Variants in TMEM254 observed in about 807,000 individuals in gnomAD.
TMEM254 encodes transmembrane protein 254.
Under a neutral mutation model 13.9 loss-of-function variants are expected in TMEM254, and 16 were observed. The observed-to-expected ratio is 1.15, with a 90% confidence interval of 0.78 to 1.75. The LOEUF is 1.75. Among genes scored for constraint, TMEM254 ranks in the 40% most tolerant of loss-of-function variants. The probability of loss-of-function intolerance (pLI) is 0.00; values close to 1 mark genes in which losing one functional copy is unlikely to be tolerated. For missense variants in TMEM254, 155 were observed against 149.0 expected (o/e 1.04, Z -0.21); for synonymous variants, 61 against 56.4 (o/e 1.08, Z -0.36).
chr10:80,086,410 T>C, intron 3 of TMEM254: 1 of 415,182 alleles, frequency 2.4e-6, no homozygotes, highest in East Asian at 3.8e-5. Flanking sequence ...TTTATTTTTC[T>C]TTACTAAATA....
intron 3 of TMEM254, chr10:80,090,515 G>A (rs556159814): frequency 2.1e-5 from 15 of 705,298 alleles, no homozygotes; most frequent in Middle Eastern, 4.7e-4. Context: ...TACTCCATCC[G>A]CTCATCAGAA....
intron 3 of TMEM254, among the ~76,000 whole-genome samples, chr10:80,084,497 C>T (rs370434282): frequency 8.6e-4 from 131 of 152,262 alleles, no homozygotes; most frequent in African/African-American, 3.0e-3. Flanking sequence ...ATCAGTGTGG[C>T]GGTGCTTCCT....
At chr10:80,089,862 A>G (rs568682599) in intron 3 of TMEM254, among the ~76,000 whole-genome samples, 17 of 151,810 alleles carry the variant, frequency 1.1e-4, no homozygotes, top group South Asian at 8.3e-4. Context: ...AAAATTAGCC[A>G]GGCGTGGTGG....
chr10:80,088,443 T>C (rs1485597069), intron 3 of TMEM254, among the ~76,000 whole-genome samples: 2 of 149,512 alleles, frequency 1.3e-5, no homozygotes, highest in East Asian at 3.9e-4. Flanking sequence ...GTTTTTTTTC[T>C]TTTTTTTTTC....
rs1490490067 is a variant in TMEM254, at chr10:80,082,056, A to AG, written c.192-87dup. 3 of 1,574,788 alleles carry AG rather than the reference A, an allele frequency of 1.9e-6. No homozygotes were observed. The Admixed American group carries it at 5.0e-5, about 27-fold the overall frequency. ...CTAAGAGTAGTGTCGGTTCACCTTAAGGCACTTTTCTTTTTGAGATTGCTG... is the reference window on the plus strand; with the variant it reads ...CTAAGAGTAGTGTCGGTTCACCTTAAGGGCACTTTTCTTTTTGAGATTGCTG... On this transcript the variant is annotated intron_variant, in intron 2 of 3. Coordinates refer to ENST00000372281, the MANE Select transcript of TMEM254 (RefSeq NM_025125.4).
At chr10:80,089,008 A>G (rs1258634989) in intron 3 of TMEM254, among the ~76,000 whole-genome samples, 1 of 151,334 alleles carries the variant, frequency 6.6e-6, no homozygotes, top group Non-Finnish European at 1.5e-5. Context: ...TTCATTTTCT[A>G]ATTGTCTGAT....
chr10:80,091,017 T>C lies in TMEM254; in HGVS notation c.*100T>C. 2 of 1,469,478 alleles carry C rather than the reference T, an allele frequency of 1.4e-6. No homozygotes were observed. The highest frequency in any genetic ancestry group is 1.8e-6 in the Non-Finnish European group (2 of 1,094,672). The allele number at this position is 1,469,478 out of a possible 1,614,324, so 91.0% of individuals were successfully genotyped here. On this transcript the variant is annotated 3_prime_UTR_variant, in exon 4 of 4. Transcript: ENST00000372281. Reference sequence around the variant, plus strand: ...AATTTACTCAGTGATCTTTCTACTTTCTAGAAACTGTCCTTCAAAGCTCTT... The same window carrying C: ...AATTTACTCAGTGATCTTTCTACTTCCTAGAAACTGTCCTTCAAAGCTCTT...
intron 3 of TMEM254, among the ~76,000 whole-genome samples, chr10:80,087,237 T>G (rs973426452): frequency 4.7e-4 from 72 of 152,216 alleles, no homozygotes; most frequent in Middle Eastern, 3.2e-3. Flanking sequence ...GTCTCTACTT[T>G]TTTACTATTA....
intron 1 of TMEM254, among the ~76,000 whole-genome samples, chr10:80,080,139 G>A (rs1843909684): frequency 1.3e-5 from 2 of 152,208 alleles, no homozygotes; most frequent in Admixed American, 6.5e-5. Context: ...TGACTAGTTA[G>A]AATATAGTTG....
intron 3 of TMEM254, 113 bp downstream of exon 3, chr10:80,082,317 G>A: frequency 7.9e-7 from 1 of 1,271,768 alleles, no homozygotes; most frequent in Non-Finnish European, 1.1e-6. Context: ...TCTCAGGGTA[G>A]AGCGGAATCC....
chr10:80,082,738 A>T (rs1451929680), intron 3 of TMEM254, among the ~76,000 whole-genome samples: 1 of 152,126 alleles, frequency 6.6e-6, no homozygotes, highest in Non-Finnish European at 1.5e-5. Context: ...ACCAGACCCC[A>T]CTCAGGAGAT....
intron 1 of TMEM254, chr10:80,079,211 G>GGGGGGGGGGC: frequency 2.0e-6 from 2 of 1,000,132 alleles, no homozygotes; most frequent in Non-Finnish European, 2.8e-6. Context: ...GGCGGGGCGG[G>GGGGGGGGGGC]CCTCTGTTTT....
At position 80,092,196 on chromosome 10, in the gene TMEM254, C is replaced by T. The variant is rs550565483; in HGVS notation, c.*1279C>T. On this transcript the variant is annotated 3_prime_UTR_variant, in exon 4 of 4. Coordinates refer to ENST00000372281, the MANE Select transcript of TMEM254 (RefSeq NM_025125.4). The stretch of plus-strand genomic sequence containing the variant: ...ATTTCCCTTCTGTGGTACAGTGGGG[C>T]AAATTATTTGTATTAAGCAAACATT... The T allele has an allele frequency of 1.3e-5, 2 of 152,278 alleles. No individual in the cohort carries two copies. Among genetic ancestry groups the T allele is most frequent in the South Asian group, 4.1e-4 (2 of 4,828 alleles). The allele number at this position is 152,278 out of a possible 1,614,324, so 9.4% of individuals were successfully genotyped here. A position where few individuals can be genotyped will look rare whatever the true frequency, so the allele number is the denominator to read the frequency against.
chr10:80,085,481 C>T (rs1195546362), intron 3 of TMEM254, among the ~76,000 whole-genome samples: 4 of 151,692 alleles, frequency 2.6e-5, no homozygotes, highest in East Asian at 3.9e-4. Context: ...GCAGGAGAAT[C>T]GCTTGGACCT....
At chr10:80,087,850 G>A (rs1844389732) in intron 3 of TMEM254, among the ~76,000 whole-genome samples, 1 of 152,046 alleles carries the variant, frequency 6.6e-6, no homozygotes, top group African/African-American at 2.4e-5. Flanking sequence ...ATGATCTTGA[G>A]TACTTTGTCC....
At chr10:80,089,582 G>A (rs553700705) in intron 3 of TMEM254, among the ~76,000 whole-genome samples, 3 of 152,302 alleles carry the variant, frequency 2.0e-5, no homozygotes, top group Non-Finnish European at 2.9e-5. Context: ...GGAAGCTAAG[G>A]TGGGAGGATA....
In TMEM254 at chr10:80,079,436, G is replaced by C. The variant is rs541159611; in HGVS notation, c.87+650G>C. Reference sequence around the variant, plus strand: ...AGCCTCTCACGAAGCGGAAAGTCAAGTTAACAGACTGCCATAGGCCTGCCA... The same window carrying C: ...AGCCTCTCACGAAGCGGAAAGTCAACTTAACAGACTGCCATAGGCCTGCCA... On this transcript the variant is annotated intron_variant, in intron 1 of 3. Coordinates refer to ENST00000372281, the MANE Select transcript of TMEM254 (RefSeq NM_025125.4). 33 of 1,086,318 alleles carry C rather than the reference G, an allele frequency of 3.0e-5. No individual in the cohort carries two copies. The African/African-American group carries it at 5.2e-4, about 17-fold the overall frequency. The allele number at this position is 1,086,318 out of a possible 1,614,324, so 67.3% of individuals were successfully genotyped here. A position where few individuals can be genotyped will look rare whatever the true frequency, so the allele number is the denominator to read the frequency against.
At chr10:80,082,548 G>A (rs73295373) in intron 3 of TMEM254, among the ~76,000 whole-genome samples, 9,779 of 152,180 alleles carry the variant, frequency 0.064, 364 homozygotes, top group African/African-American at 0.098. Flanking sequence ...GACCTAGGCC[G>A]ATGACTCACA....
At chr10:80,079,323 G>A in intron 1 of TMEM254, 2 of 1,198,112 alleles carry the variant, frequency 1.7e-6, no homozygotes, top group Non-Finnish European at 2.1e-6. Flanking sequence ...CGGAAATTCG[G>A]TGGGCTCTTA....
Sources: gnomAD v4.1 joint callset for allele counts (sites outside exome capture counted in the v4.1 genomes callset) on GRCh38, gnomAD v4.1.1 for gene constraint, MANE v1.5 for transcripts, NCBI Gene and HGNC (gene_info 2026-07-23, HGNC 2026-07-21) for gene names.